TIAM2: variants seen among roughly 807,000 people sequenced by gnomAD.
The protein encoded by TIAM2 is TIAM Rac1 associated GEF 2.
In TIAM2, 80 loss-of-function variants were observed where a neutral mutation model predicts 152.9. The ratio of observed to expected loss-of-function variants is 0.52; its 90% CI spans 0.44 to 0.63. The LOEUF (loss-of-function observed/expected upper bound fraction) is 0.63, where lower values mean the gene tolerates loss of function less well. TIAM2 is among the 30% of genes least tolerant of loss of function. The pLI is 0.00. For missense variants in TIAM2, 1,965 were observed against 2,120.1 expected (o/e 0.93, Z 1.44); for synonymous variants, 804 against 838.0 (o/e 0.96, Z 0.70).
intron 5 of TIAM2, among the ~76,000 whole-genome samples, chr6:155,139,005 A>G (rs1279563484): frequency 6.6e-6 from 1 of 152,262 alleles, no homozygotes; most frequent in South Asian, 2.1e-4. Context: ...AGATGCACCC[A>G]GAGCGGCCTC....
intron 4 of TIAM2, among the ~76,000 whole-genome samples, chr6:155,133,186 C>G (rs943417291): frequency 8.5e-5 from 13 of 152,146 alleles, no homozygotes; most frequent in African/African-American, 2.4e-4. Flanking sequence ...GAAATCCCAT[C>G]TCTAATGAAA....
chr6:155,011,842 G>C (rs1778494158), intron 1 of TIAM2, among the ~76,000 whole-genome samples: 2 of 152,216 alleles, frequency 1.3e-5, no homozygotes, highest in Non-Finnish European at 2.9e-5. Context: ...AATGCAGAGA[G>C]GCGTTGGCAG....
intron 4 of TIAM2, 62 bp downstream of exon 4, chr6:155,130,479 G>A: frequency 8.1e-6 from 12 of 1,477,450 alleles, no homozygotes; most frequent in Non-Finnish European, 1.1e-5. Flanking sequence ...AGAAGGGGAA[G>A]GTTAGTAGAA....
intron 7 of TIAM2, among the ~76,000 whole-genome samples, chr6:155,151,266 G>C (rs921831781): frequency 1.3e-5 from 2 of 152,218 alleles, no homozygotes; most frequent in African/African-American, 4.8e-5. Context: ...GGATCCACCT[G>C]TGTCTGGTTA....
chr6:155,171,771 C>T (rs552320805), intron 9 of TIAM2, among the ~76,000 whole-genome samples: 8 of 152,254 alleles, frequency 5.3e-5, no homozygotes, highest in South Asian at 2.1e-4. Context: ...TCATATCAAC[C>T]GATGTGTGGG....
At position 155,176,889 on chromosome 6, in the gene TIAM2, CT is replaced by C. The variant is rs1780772771; in HGVS notation, c.2437del (p.Tyr813MetfsTer12). On this transcript the variant is annotated frameshift_variant, in exon 10 of 27. Coordinates refer to ENST00000682666, the MANE Select transcript of TIAM2 (RefSeq NM_012454.4). LOFTEE classifies it high-confidence loss of function. ...VPRDNAWEIQ[T>X]YVHFQDNHGV... Reference sequence around the variant, plus strand: ...CGAGACAATGCATGGGAAATCCAGACTTATGTCCACTTTCAGGACAATCACG... The same window carrying C: ...CGAGACAATGCATGGGAAATCCAGACTATGTCCACTTTCAGGACAATCACG... 6.2e-7 allele frequency: 1 copy of C among 1,613,968 alleles called. No individual in the cohort carries two copies. Among genetic ancestry groups the C allele is most frequent in the Non-Finnish European group, 8.5e-7 (1 of 1,179,990 alleles).
intron 16 of TIAM2, among the ~76,000 whole-genome samples, chr6:155,242,340 G>C (rs944692186): frequency 6.6e-6 from 1 of 152,228 alleles, no homozygotes; most frequent in East Asian, 1.9e-4. Flanking sequence ...GTTTAACACA[G>C]AATCTTGTTG....
intron 9 of TIAM2, among the ~76,000 whole-genome samples, chr6:155,167,446 TTC>T (rs935366473): frequency 5.9e-5 from 9 of 152,176 alleles, no homozygotes; most frequent in Admixed American, 1.3e-4. Context: ...GGTCTCAAAC[TTC>T]TGGGCTCATG....
intron 2 of TIAM2, among the ~76,000 whole-genome samples, chr6:155,120,450 T>A (rs1445517064): frequency 2.0e-5 from 3 of 152,210 alleles, no homozygotes; most frequent in Non-Finnish European, 2.9e-5. Flanking sequence ...GGTTCAAGTC[T>A]TCTTGTGATT....
intron 11 of TIAM2, 38 bp from the exon 12 acceptor site, chr6:155,179,340 A>G: frequency 6.2e-7 from 1 of 1,601,996 alleles, no homozygotes; most frequent in Non-Finnish European, 8.6e-7. Flanking sequence ...GTATCATAAC[A>G]TGAGATCCTC....
intron 1 of TIAM2, among the ~76,000 whole-genome samples, chr6:155,047,691 GAGAGAGAGAGAGAGC>G (rs1562300116): frequency 3.7e-4 from 5 of 13,620 alleles, no homozygotes; most frequent in Admixed American, 6.2e-4. Flanking sequence ...AGAGAGAGGA[GAGAGAGAGAGAGAGC>G]GAGAGAGAGA....
intron 2 of TIAM2, among the ~76,000 whole-genome samples, chr6:155,108,700 T>C (rs1257496805): frequency 6.6e-6 from 1 of 152,060 alleles, no homozygotes; most frequent in Non-Finnish European, 1.5e-5. Flanking sequence ...AGTTTTCCAG[T>C]GGGTAAGTGG....
chr6:155,122,860 T>G (rs1028770535), intron 2 of TIAM2, among the ~76,000 whole-genome samples: 1 of 152,120 alleles, frequency 6.6e-6, no homozygotes, highest in African/African-American at 2.4e-5. Context: ...TTTTTTTTTT[T>G]TTTGAAGAGT....
chr6:155,174,193 C>T lies in TIAM2; in HGVS notation c.2362-2623C>T, dbSNP rs529454944. On this transcript the variant is annotated intron_variant, in intron 9 of 26. Coordinates refer to ENST00000682666, the MANE Select transcript of TIAM2 (RefSeq NM_012454.4). The surrounding 1 kb of genome is among the most constrained non-coding windows in gnomAD (Gnocchi z 4.2). ...CCCAGACTTCCACCCTTCAGATCCC[C>T]GGAGTACCATAGGCACTAGTTGTGT... is the stretch of plus-strand genomic sequence containing the variant. Among the ~76,000 whole-genome samples, 15 of 152,280 alleles carry T rather than the reference C, an allele frequency of 9.9e-5. No homozygotes were observed. In the East Asian group the frequency reaches 2.1e-3, roughly 22 times the overall value.
chr6:155,217,157 G>A (rs1226163490), intron 15 of TIAM2: 14 of 1,276,978 alleles, frequency 1.1e-5, no homozygotes, highest in Non-Finnish European at 1.4e-5. Flanking sequence ...ATGCTTGCAC[G>A]GTTTCCTTTT....
At chr6:154,998,461 G>A (rs1778258269) in intron 1 of TIAM2, among the ~76,000 whole-genome samples, 1 of 152,170 alleles carries the variant, frequency 6.6e-6, no homozygotes, top group African/African-American at 2.4e-5. Flanking sequence ...TTTTCATTGG[G>A]AAGGGGCCAT....
intron 1 of TIAM2, among the ~76,000 whole-genome samples, chr6:155,047,484 C>T (rs991356991): frequency 1.3e-5 from 2 of 152,056 alleles, no homozygotes; most frequent in African/African-American, 2.4e-5. Flanking sequence ...TTGGCCATCA[C>T]CTGAAGTTCT....
intron 1 of TIAM2, among the ~76,000 whole-genome samples, chr6:155,000,564 T>A (rs1030244126): frequency 6.7e-6 from 1 of 148,264 alleles, no homozygotes; most frequent in Admixed American, 6.7e-5. Context: ...CAAAAAACTG[T>A]TACGCTCTCA....
chr6:155,107,693 C>T (rs562851182), intron 2 of TIAM2, among the ~76,000 whole-genome samples: 41 of 152,230 alleles, frequency 2.7e-4, no homozygotes, highest in African/African-American at 8.4e-4. Context: ...TGTTTAGTAT[C>T]GTTTGTCTTT....
Sources: gnomAD v4.1 joint callset for allele counts (sites outside exome capture counted in the v4.1 genomes callset) on GRCh38, gnomAD v4.1.1 for gene constraint, Gnocchi (gnomAD v3.1) non-coding constraint, MANE v1.5 for transcripts, NCBI Gene and HGNC (gene_info 2026-07-23, HGNC 2026-07-21) for gene names.